The following ERBB4 variants were observed in gnomAD, a reference collection of about 807,000 sequenced individuals.
The protein encoded by ERBB4 is erb-b2 receptor tyrosine kinase 4.
A neutral mutation model predicts 158.0 loss-of-function variants in ERBB4; 42 were observed. The observed-to-expected ratio is 0.27, with a 90% CI of 0.21 to 0.34. ERBB4 has a LOEUF of 0.34. ERBB4 is among the 10% of genes least tolerant of loss of function. The pLI is 1.00. For synonymous variants in ERBB4, 583 were observed against 558.7 expected (o/e 1.04, Z -0.61); for missense variants, 1,333 against 1,624.1 (o/e 0.82, Z 3.08).
At chr2:211,923,961 A>G (rs975265430) in intron 3 of ERBB4, among the ~76,000 whole-genome samples, 14 of 152,076 alleles carry the variant, frequency 9.2e-5, no homozygotes. Context: ...GCCTCACTTG[A>G]TCGACTCACC....
chr2:212,429,887 GAATT>G (rs1288054654), intron 1 of ERBB4, among the ~76,000 whole-genome samples: 14 of 152,154 alleles, frequency 9.2e-5, no homozygotes, highest in African/African-American at 3.4e-4. Context: ...TTCATAATTT[GAATT>G]AATAGGTTCT....
intron 1 of ERBB4, among the ~76,000 whole-genome samples, chr2:212,318,323 G>A (rs985680836): frequency 2.0e-5 from 3 of 151,522 alleles, no homozygotes; most frequent in African/African-American, 7.3e-5. Context: ...AATTACTGTT[G>A]TAATCAGCAT....
intron 1 of ERBB4, among the ~76,000 whole-genome samples, chr2:212,462,812 T>C (rs1290958262): frequency 1.3e-5 from 2 of 152,146 alleles, no homozygotes; most frequent in Non-Finnish European, 2.9e-5. Context: ...GCCATGTTTA[T>C]TGCAGCATTA....
intron 1 of ERBB4, among the ~76,000 whole-genome samples, chr2:212,202,773 C>T (rs1416217960): frequency 1.3e-5 from 2 of 152,140 alleles, no homozygotes; most frequent in Non-Finnish European, 2.9e-5. Context: ...AAAGACTGAT[C>T]ACTGTCAGAA....
At chr2:211,730,915 C>A (rs116522535) in intron 5 of ERBB4, among the ~76,000 whole-genome samples, 1 of 152,106 alleles carries the variant, frequency 6.6e-6, no homozygotes, top group Non-Finnish European at 1.5e-5. Context: ...TCATTTACAC[C>A]ATCTGATTGA....
intron 2 of ERBB4, among the ~76,000 whole-genome samples, chr2:212,080,721 A>T (rs1230460782): frequency 1.1e-4 from 17 of 151,430 alleles, no homozygotes; most frequent in Non-Finnish European, 2.5e-4. Flanking sequence ...ATTTATCTGG[A>T]AGATTACATT....
At chr2:212,331,076 A>ATATATATATATATATACACG (rs1560037194) in intron 1 of ERBB4, among the ~76,000 whole-genome samples, 17 of 129,972 alleles carry the variant, frequency 1.3e-4, no homozygotes, top group East Asian at 2.6e-4. Context: ...ATATATACAC[A>ATATATATATATATATACACG]TATATATATA....
chr2:212,139,175 C>T (rs975356966), intron 1 of ERBB4, among the ~76,000 whole-genome samples: 3 of 152,010 alleles, frequency 2.0e-5, no homozygotes, highest in African/African-American at 7.2e-5. Context: ...TAATGGAATT[C>T]ACATCATTCA....
chr2:212,249,898 C>T (rs1407835264), intron 1 of ERBB4, among the ~76,000 whole-genome samples: 1 of 151,960 alleles, frequency 6.6e-6, no homozygotes, highest in African/African-American at 2.4e-5. Flanking sequence ...AGTAAAGAAG[C>T]TTGACAATGT....
chr2:211,972,950 A>G (rs1185235610), intron 2 of ERBB4, among the ~76,000 whole-genome samples: 1 of 152,192 alleles, frequency 6.6e-6, no homozygotes, highest in Non-Finnish European at 1.5e-5. Context: ...AAAAGAAACT[A>G]TCAACAGAGT....
rs185752562 is a variant in ERBB4, at chr2:211,651,749, A to G, written c.1946+6005T>C. 4.6e-5 allele frequency among the ~76,000 whole-genome samples: 7 copies of G among 152,254 alleles called. No homozygotes were observed. In the East Asian group the frequency reaches 1.4e-3, roughly 29 times the overall value. On this transcript the variant is annotated intron_variant, in intron 16 of 27. Transcript: ENST00000342788. ...CAAGGAATACACATGGCTGGCTAAGAGTCAGCAATAACTTGGGAGCCTCAG... is the reference window on the plus strand; with the variant it reads ...CAAGGAATACACATGGCTGGCTAAGGGTCAGCAATAACTTGGGAGCCTCAG...
chr2:211,880,258 C>T (rs2078626023), intron 3 of ERBB4, among the ~76,000 whole-genome samples: 1 of 151,998 alleles, frequency 6.6e-6, no homozygotes, highest in South Asian at 2.1e-4. Flanking sequence ...CTACAAAATC[C>T]TTGTCTTACG....
At chr2:211,506,957 T>A (rs59369434) in intron 20 of ERBB4, among the ~76,000 whole-genome samples, 10,080 of 151,994 alleles carry the variant, frequency 0.066, 345 homozygotes, top group Middle Eastern at 0.15. Context: ...CTAAATGAAG[T>A]CATTAGACTG....
intron 5 of ERBB4, among the ~76,000 whole-genome samples, chr2:211,745,094 A>G: frequency 6.6e-6 from 1 of 151,444 alleles, no homozygotes; most frequent in Non-Finnish European, 1.5e-5. Context: ...AGGGTCAGAT[A>G]TAAGTATATC....
chr2:212,345,553 G>A (rs1018745380), intron 1 of ERBB4, among the ~76,000 whole-genome samples: 4 of 152,046 alleles, frequency 2.6e-5, no homozygotes, highest in African/African-American at 4.8e-5. Flanking sequence ...CTAACATGCC[G>A]TAAATGTCAC....
chr2:211,679,993 C>A (rs2072269183), intron 12 of ERBB4, among the ~76,000 whole-genome samples: 1 of 152,152 alleles, frequency 6.6e-6, no homozygotes, highest in Non-Finnish European at 1.5e-5. Context: ...TATAAGTTTT[C>A]TACAGGACCC....
chr2:211,934,906 T>C (rs973637385), intron 3 of ERBB4, among the ~76,000 whole-genome samples: 3 of 97,002 alleles, frequency 3.1e-5, no homozygotes, highest in Non-Finnish European at 4.8e-5. Context: ...AAATCTACAC[T>C]AAGCAAAGTC....
chr2:212,157,055 A>C (rs1053464994), intron 1 of ERBB4, among the ~76,000 whole-genome samples: 1 of 152,070 alleles, frequency 6.6e-6, no homozygotes, highest in Non-Finnish European at 1.5e-5. Flanking sequence ...CTGCAAAAAC[A>C]TGTCTATGGA....
intron 1 of ERBB4, among the ~76,000 whole-genome samples, chr2:212,176,027 G>A (rs2081652233): frequency 6.6e-6 from 1 of 151,972 alleles, no homozygotes; most frequent in Non-Finnish European, 1.5e-5. Flanking sequence ...GTTCTTAACA[G>A]AACACTTCAT....
Sources: gnomAD v4.1 joint callset for allele counts (sites outside exome capture counted in the v4.1 genomes callset) on GRCh38, gnomAD v4.1.1 for gene constraint, MANE v1.5 for transcripts, NCBI Gene and HGNC (gene_info 2026-07-23, HGNC 2026-07-21) for gene names.